TP63: variants seen among roughly 807,000 people sequenced by gnomAD.
TP63 encodes the protein tumor protein 63.
TP63 carries 17 observed loss-of-function variants against 82.8 expected under a neutral mutation model. The observed-to-expected ratio is 0.21, with a 90% CI of 0.14 to 0.31. TP63 has a LOEUF of 0.31. TP63 is among the 10% of genes least tolerant of loss of function. TP63 has a pLI of 1.00. For synonymous variants in TP63, 330 were observed against 321.7 expected (o/e 1.03, Z -0.28); for missense variants, 648 against 895.3 (o/e 0.72, Z 3.52).
At chr3:189,616,958 C>T in the TP63 span, among the ~76,000 whole-genome samples, 381 of 152,250 alleles carry the variant, frequency 2.5e-3, 3 homozygotes, top group African/African-American at 8.5e-3. Context: ...TGGACCAGAG[C>T]ATTAGGCATA....
the TP63 span, among the ~76,000 whole-genome samples, chr3:189,602,018 G>A: frequency 6.6e-6 from 1 of 152,122 alleles, no homozygotes; most frequent in East Asian, 1.9e-4. Context: ...GAAAGAGTGG[G>A]AATAAATATC....
rs529550549 is a variant in TP63 at position 189,809,417 on chromosome 3, A to G, written c.579+891A>G. Among the ~76,000 whole-genome samples, 4 of 152,372 alleles carry G rather than the reference A, an allele frequency of 2.6e-5. No homozygotes were observed. The East Asian group carries it at 7.7e-4, about 29-fold the overall frequency. On this transcript the variant is annotated intron_variant, in intron 4 of 13. Transcript: ENST00000264731. ...GTGTATTTTGAAATGTATTATAACA[A>G]GAATAAAGCTCAAGTATAAAAGAGG...
At chr3:189,800,989 G>A (rs1726244619) in intron 3 of TP63, among the ~76,000 whole-genome samples, 3 of 151,978 alleles carry the variant, frequency 2.0e-5, no homozygotes, top group South Asian at 4.2e-4. Flanking sequence ...TCATGGTAAC[G>A]AAAGCTTATT....
intron 4 of TP63, among the ~76,000 whole-genome samples, chr3:189,826,373 G>T (rs769200182): frequency 6.6e-6 from 1 of 152,166 alleles, no homozygotes; most frequent in Non-Finnish European, 1.5e-5. Flanking sequence ...CTTGAAAAAT[G>T]ATTTTATGGA....
chr3:189,606,317 A>C, the TP63 span, among the ~76,000 whole-genome samples: 1 of 152,156 alleles, frequency 6.6e-6, no homozygotes, highest in African/African-American at 2.4e-5. Flanking sequence ...AAAATCCACA[A>C]ATACAACATT....
chr3:189,611,412 A>C, the TP63 span, among the ~76,000 whole-genome samples: 2 of 151,986 alleles, frequency 1.3e-5, 1 homozygote, highest in South Asian at 4.2e-4. Context: ...TCTTTTCCCC[A>C]TTGTTTGTTT....
At position 189,646,674 on chromosome 3, in the gene TP63, G is replaced by A. The variant is rs903470223; in HGVS notation, c.62+15097G>A. The stretch of plus-strand genomic sequence containing the variant: ...AGGCCAAGTGAAGGAACAAACACAA[G>A]ATATAAGGCAGGTGGGAATCTGACC... On this transcript the variant is annotated intron_variant, in intron 1 of 13. Coordinates refer to ENST00000264731, the MANE Select transcript of TP63 (RefSeq NM_003722.5). Among the ~76,000 whole-genome samples the A allele has an allele frequency of 2.2e-4, 32 of 146,506 alleles. 4 individuals are homozygous for A. The highest frequency in any genetic ancestry group is 8.2e-4 in the African/African-American group (32 of 39,054).
chr3:189,601,508 T>C, the TP63 span, among the ~76,000 whole-genome samples: 65,949 of 151,936 alleles, frequency 0.43, 15,079 homozygotes, highest in East Asian at 0.67. Context: ...GAGAGACTTT[T>C]ACAGCCAAAG....
At chr3:189,808,563 A>G (rs759383875) in intron 4 of TP63, 37 bp downstream of exon 4, 26 of 1,610,840 alleles carry the variant, frequency 1.6e-5, no homozygotes, top group Non-Finnish European at 5.9e-6. Context: ...TGACCCCCCA[A>G]GTCCAAGGAT....
intron 1 of TP63, among the ~76,000 whole-genome samples, chr3:189,642,186 G>GAT (rs1403753235): frequency 6.6e-6 from 1 of 152,148 alleles, no homozygotes; most frequent in Admixed American, 6.5e-5. Context: ...GATGTAAGAT[G>GAT]ATATGTGGTT....
At chr3:189,877,485 A>G (rs973990508) in intron 10 of TP63, among the ~76,000 whole-genome samples, 16 of 152,200 alleles carry the variant, frequency 1.1e-4, no homozygotes, top group African/African-American at 3.9e-4. Context: ...ACTTTGTTAC[A>G]GTCTCGCTTA....
At chr3:189,808,984 A>G (rs1727240711) in intron 4 of TP63, among the ~76,000 whole-genome samples, 1 of 152,012 alleles carries the variant, frequency 6.6e-6, no homozygotes. Context: ...TAAGAAAATA[A>G]AATCCCATTT....
chr3:189,626,371 C>T, the TP63 span, among the ~76,000 whole-genome samples: 1 of 152,182 alleles, frequency 6.6e-6, no homozygotes, highest in African/African-American at 2.4e-5. Flanking sequence ...TCCACCACCT[C>T]CTCTCCTTGA....
chr3:189,834,403 CAT>C lies in TP63; in HGVS notation c.579+25879_579+25880del, dbSNP rs541809620. On this transcript the variant is annotated intron_variant, in intron 4 of 13. Coordinates refer to ENST00000264731, the MANE Select transcript of TP63 (RefSeq NM_003722.5). ...AATTATTAATATGATTTTTGGAAAA[CAT>C]AGATTCTTATGCTTATGCACTTGCT... 5.6e-4 allele frequency among the ~76,000 whole-genome samples: 85 copies of C among 152,044 alleles called. 3 individuals are homozygous for C. The South Asian group carries it at 0.018, about 32-fold the overall frequency.
intron 11 of TP63, among the ~76,000 whole-genome samples, chr3:189,888,017 C>T (rs370020754): frequency 5.3e-4 from 80 of 151,928 alleles, no homozygotes; most frequent in Non-Finnish European, 9.3e-4. Context: ...CCACCACGCC[C>T]GGCTAATTTT....
intron 1 of TP63, among the ~76,000 whole-genome samples, chr3:189,691,338 CA>C (rs781098833): frequency 0.29 from 19,185 of 67,274 alleles, 692 homozygotes; most frequent in Middle Eastern, 0.35. Flanking sequence ...GACTCCATCT[CA>C]AAAAAAAAAA....
intron 9 of TP63, among the ~76,000 whole-genome samples, chr3:189,870,159 A>G (rs1432824193): frequency 2.0e-5 from 3 of 152,188 alleles, no homozygotes; most frequent in Non-Finnish European, 4.4e-5. Context: ...AGTTCACAAA[A>G]TTGATAATGC....
chr3:189,638,645 G>T (rs1008410115), intron 1 of TP63, among the ~76,000 whole-genome samples: 5 of 152,120 alleles, frequency 3.3e-5, no homozygotes, highest in African/African-American at 1.2e-4. Flanking sequence ...GAGAGGGCTT[G>T]GGTGGAGCCT....
At chr3:189,851,436 G>A (rs1340383709) in intron 4 of TP63, among the ~76,000 whole-genome samples, 3 of 152,226 alleles carry the variant, frequency 2.0e-5, no homozygotes, top group Admixed American at 6.5e-5. Context: ...TTAACCGGGC[G>A]TAGTGGTGGG....
Sources: allele counts gnomAD v4.1 joint callset (sites outside exome capture counted in the v4.1 genomes callset), GRCh38; gene constraint gnomAD v4.1.1; transcripts MANE v1.5; gene names NCBI Gene and HGNC (gene_info 2026-07-23, HGNC 2026-07-21).